SMYD3: variants seen among roughly 807,000 people sequenced by gnomAD.
The protein encoded by SMYD3 is SET and MYND domain containing 3.
A neutral mutation model predicts 57.7 loss-of-function variants in SMYD3; 36 were observed. The observed-to-expected ratio is 0.62, with a 90% CI of 0.48 to 0.82. The LOEUF is 0.82. SMYD3 is among the 40% of genes least tolerant of loss of function. The probability of loss-of-function intolerance (pLI) is 0.00; values close to 1 mark genes in which losing one functional copy is unlikely to be tolerated. For synonymous variants in SMYD3, 211 were observed against 195.0 expected (o/e 1.08, Z -0.68); for missense variants, 515 against 538.8 (o/e 0.96, Z 0.44).
intron 1 of SMYD3, among the ~76,000 whole-genome samples, chr1:246,399,548 T>C (rs1038292765): frequency 1.3e-5 from 2 of 152,130 alleles, no homozygotes; most frequent in Non-Finnish European, 1.5e-5. Flanking sequence ...TTTTCCACAT[T>C]GCCCAAGCCG....
intron 5 of SMYD3, among the ~76,000 whole-genome samples, chr1:246,063,146 A>G (rs4255350): frequency 0.86 from 130,468 of 152,162 alleles, 56,158 homozygotes; most frequent in Admixed American, 0.9. Context: ...GGGAAACAAC[A>G]CCAAGCGAAG....
intron 5 of SMYD3, among the ~76,000 whole-genome samples, chr1:245,943,157 C>T (rs1167133944): frequency 7.7e-5 from 9 of 116,354 alleles, no homozygotes; most frequent in Non-Finnish European, 1.3e-4. Context: ...TGAGGACAGA[C>T]ACACACACAC....
intron 5 of SMYD3, among the ~76,000 whole-genome samples, chr1:246,323,557 C>T (rs1201673715): frequency 6.6e-6 from 1 of 152,174 alleles, no homozygotes; most frequent in Non-Finnish European, 1.5e-5. Context: ...GCTCACCAGA[C>T]GACGAAATAT....
chr1:246,306,387 AT>A (rs374847256), intron 5 of SMYD3, among the ~76,000 whole-genome samples: 2 of 151,768 alleles, frequency 1.3e-5, no homozygotes, highest in African/African-American at 4.8e-5. Flanking sequence ...ACTTTGTGCC[AT>A]TTTTTCCCTT....
intron 5 of SMYD3, among the ~76,000 whole-genome samples, chr1:246,255,981 G>GATAC (rs2063883905): frequency 6.9e-6 from 1 of 145,628 alleles, no homozygotes; most frequent in African/African-American, 2.5e-5. Flanking sequence ...TAGATAGATA[G>GATAC]ATAGATACAC....
At chr1:246,381,297 C>T (rs922501972) in intron 1 of SMYD3, among the ~76,000 whole-genome samples, 1 of 151,990 alleles carries the variant, frequency 6.6e-6, no homozygotes, top group Non-Finnish European at 1.5e-5. Flanking sequence ...AAGTGCCCAG[C>T]GAATATCTGG....
chr1:246,127,265 A>C (rs559830978), intron 5 of SMYD3, among the ~76,000 whole-genome samples: 82 of 152,172 alleles, frequency 5.4e-4, no homozygotes, highest in Non-Finnish European at 9.7e-4. Context: ...ACCTGAGTCA[A>C]CTGCAGCACC....
chr1:246,134,463 AC>A (rs1421781261), intron 5 of SMYD3, among the ~76,000 whole-genome samples: 1 of 152,146 alleles, frequency 6.6e-6, no homozygotes, highest in Non-Finnish European at 1.5e-5. Context: ...TAAATTATAT[AC>A]CCATGATTTT....
intron 1 of SMYD3, among the ~76,000 whole-genome samples, chr1:246,356,096 T>C (rs1332469314): frequency 6.6e-6 from 1 of 151,516 alleles, no homozygotes; most frequent in Non-Finnish European, 1.5e-5. Context: ...TTCACGCCCC[T>C]GCTACCTCCA....
chr1:246,184,167 A>G (rs532741408), intron 5 of SMYD3, among the ~76,000 whole-genome samples: 2 of 152,374 alleles, frequency 1.3e-5, no homozygotes, highest in East Asian at 3.9e-4. Flanking sequence ...ACCAGGAGTT[A>G]AAAGAATATA....
intron 5 of SMYD3, among the ~76,000 whole-genome samples, chr1:246,135,506 A>G (rs1014994244): frequency 6.6e-6 from 1 of 152,130 alleles, no homozygotes; most frequent in Non-Finnish European, 1.5e-5. Context: ...ATCTCAAGAT[A>G]AGTCCATGCT....
rs77427216 is a variant in SMYD3, at chr1:246,504,095, G to A, written c.164+2959C>T. Among the ~76,000 whole-genome samples, 1,291 of 152,118 alleles carry A rather than the reference G, an allele frequency of 8.5e-3. 23 individuals are homozygous for A. Among genetic ancestry groups the A allele is most frequent in the African/African-American group, 0.028 (1,158 of 41,464 alleles). The stretch of plus-strand genomic sequence containing the variant: ...AGCCATTCCTTAATGAGAGGAAAAA[G>A]GTAAGATAAGCCATGAAGCAGGTTC... On this transcript the variant is annotated intron_variant, in intron 1 of 11. Coordinates refer to ENST00000490107, the MANE Select transcript of SMYD3 (RefSeq NM_001167740.2).
intron 1 of SMYD3, among the ~76,000 whole-genome samples, chr1:246,366,905 T>A (rs1199696026): frequency 8.0e-6 from 1 of 124,626 alleles, no homozygotes; most frequent in Non-Finnish European, 1.6e-5. Context: ...CACTCCAGCC[T>A]GGGCGACAGA....
chr1:246,398,007 G>A (rs1205527703), intron 1 of SMYD3, among the ~76,000 whole-genome samples: 3 of 152,018 alleles, frequency 2.0e-5, no homozygotes, highest in Non-Finnish European at 2.9e-5. Flanking sequence ...GTCCTGGGTC[G>A]TGGGTCTGGG....
intron 5 of SMYD3, among the ~76,000 whole-genome samples, chr1:246,173,743 A>AT (rs2148256341): frequency 6.6e-6 from 1 of 152,296 alleles, no homozygotes; most frequent in Admixed American, 6.5e-5. Context: ...AGCTCTTATG[A>AT]TAACAATGCC....
Position 246,244,184 on chromosome 1 carries a change from T to C in SMYD3, c.531+83017A>G, listed in dbSNP as rs545039533. Among the ~76,000 whole-genome samples the C allele has an allele frequency of 3.3e-5, 5 of 152,198 alleles. No individual in the cohort carries two copies. The South Asian group carries it at 8.3e-4, about 25-fold the overall frequency. On this transcript the variant is annotated intron_variant, in intron 5 of 11. Transcript: ENST00000490107. ...ATATATAAAAGAGGTTAGCTATAGT[T>C]CCTGAGTCAGCTACTCATCACTCAT...
At chr1:246,241,573 G>A (rs2063611319) in intron 5 of SMYD3, among the ~76,000 whole-genome samples, 1 of 152,122 alleles carries the variant, frequency 6.6e-6, no homozygotes, top group Non-Finnish European at 1.5e-5. Context: ...TTGTGTCTCT[G>A]CCAGGCTTTG....
chr1:245,797,828 C>CAAAAAAAAAAA (rs559088835), intron 10 of SMYD3, among the ~76,000 whole-genome samples: 19 of 109,426 alleles, frequency 1.7e-4, no homozygotes, highest in African/African-American at 5.7e-4. Context: ...TTCCGGGTTC[C>CAAAAAAAAAAA]AAAAAAAAAA....
intron 5 of SMYD3, among the ~76,000 whole-genome samples, chr1:246,226,917 T>C (rs1011849092): frequency 6.6e-6 from 1 of 152,242 alleles, no homozygotes; most frequent in Non-Finnish European, 1.5e-5. Context: ...ATCTAGTTCA[T>C]CTTCCTTGGT....
Sources: allele counts gnomAD v4.1 joint callset (sites outside exome capture counted in the v4.1 genomes callset), GRCh38; gene constraint gnomAD v4.1.1; transcripts MANE v1.5; gene names NCBI Gene and HGNC (gene_info 2026-07-23, HGNC 2026-07-21).